The following PDE1A variants were observed in gnomAD, a reference collection of about 807,000 sequenced individuals.
The protein encoded by PDE1A is phosphodiesterase 1A.
A neutral mutation model predicts 61.7 loss-of-function variants in PDE1A; 35 were observed. The observed-to-expected ratio is 0.57, with a 90% confidence interval of 0.43 to 0.75. PDE1A has a LOEUF of 0.75. Among genes scored for constraint, PDE1A ranks in the 30% least tolerant of loss-of-function variants. PDE1A has a pLI of 0.00. For synonymous variants in PDE1A, 232 were observed against 213.2 expected (o/e 1.09, Z -0.77); for missense variants, 597 against 630.6 (o/e 0.95, Z 0.57).
chr2:182,445,359 T>G (rs1480464407), intron 2 of PDE1A, among the ~76,000 whole-genome samples: 1 of 152,106 alleles, frequency 6.6e-6, no homozygotes, highest in Admixed American at 6.6e-5. Context: ...AAATAGTTTA[T>G]GCCTTGAGCT....
chr2:182,587,511 A>G, the PDE1A span, among the ~76,000 whole-genome samples: 1 of 152,250 alleles, frequency 6.6e-6, no homozygotes, highest in Non-Finnish European at 1.5e-5. Flanking sequence ...ACTATTGCAC[A>G]AATAACTAAA....
the PDE1A span, among the ~76,000 whole-genome samples, chr2:182,679,224 C>T: frequency 6.6e-6 from 1 of 150,382 alleles, no homozygotes; most frequent in Non-Finnish European, 1.5e-5. Flanking sequence ...TACTCAGTCG[C>T]CCAGGCTGGA....
the PDE1A span, among the ~76,000 whole-genome samples, chr2:182,694,244 T>C: frequency 6.6e-6 from 1 of 152,242 alleles, no homozygotes; most frequent in Non-Finnish European, 1.5e-5. Flanking sequence ...TCTTTCCCAC[T>C]AAATTGTTTT....
chr2:182,605,757 G>A, the PDE1A span, among the ~76,000 whole-genome samples: 1 of 152,160 alleles, frequency 6.6e-6, no homozygotes, highest in African/African-American at 2.4e-5. Flanking sequence ...GTGTCTCTGA[G>A]TATTCCACAA....
At chr2:182,569,649 G>A in the PDE1A span, among the ~76,000 whole-genome samples, 1 of 152,208 alleles carries the variant, frequency 6.6e-6, no homozygotes, top group Non-Finnish European at 1.5e-5. Context: ...TGGTTTCAAA[G>A]TAGAAATGGA....
At chr2:182,166,743 A>G (rs926363595), downstream of PDE1A, among the ~76,000 whole-genome samples, 3 of 152,168 alleles carry the variant, frequency 2.0e-5, no homozygotes, top group Non-Finnish European at 2.9e-5. Flanking sequence ...ATGATATTTT[A>G]TAGCCAAGTT....
the PDE1A span, among the ~76,000 whole-genome samples, chr2:182,578,944 G>A: frequency 2.0e-5 from 3 of 152,252 alleles, no homozygotes; most frequent in Admixed American, 2.0e-4. Flanking sequence ...CTGAAGTTCT[G>A]CTCAACAAAT....
chr2:182,300,362 G>A (rs1440625581), intron 1 of PDE1A, among the ~76,000 whole-genome samples: 1 of 152,180 alleles, frequency 6.6e-6, no homozygotes, highest in Non-Finnish European at 1.5e-5. Flanking sequence ...TGGAGCTAGA[G>A]TAAAACCTGG....
chr2:182,683,603 A>C, the PDE1A span, among the ~76,000 whole-genome samples: 9 of 152,214 alleles, frequency 5.9e-5, no homozygotes, highest in Non-Finnish European at 1.2e-4. Flanking sequence ...CTACAGAAAC[A>C]ATAAAAGATT....
chr2:182,168,151 A>G, exon 14 of PDE1A: 1 of 1,496,822 alleles, frequency 6.7e-7, no homozygotes, highest in Non-Finnish European at 8.9e-7. Context: ...TGTCTCACAC[A>G]GGACAGGGTA....
chr2:182,258,798 C>A (rs1163411795), intron 2 of PDE1A, among the ~76,000 whole-genome samples: 1 of 152,178 alleles, frequency 6.6e-6, no homozygotes, highest in East Asian at 1.9e-4. Flanking sequence ...ATTCTTACCC[C>A]ATGTTACTCC....
intron 10 of PDE1A, among the ~76,000 whole-genome samples, chr2:182,195,778 G>T (rs1380034543): frequency 2.0e-5 from 3 of 152,092 alleles, no homozygotes; most frequent in African/African-American, 7.2e-5. Context: ...GAGCAGAATG[G>T]TATCAGTACT....
intron 2 of PDE1A, among the ~76,000 whole-genome samples, chr2:182,506,614 G>GC (rs1559524188): frequency 6.6e-6 from 1 of 152,092 alleles, no homozygotes; most frequent in African/African-American, 2.4e-5. Flanking sequence ...ACTATTTCCT[G>GC]CCCCCCTCTT....
intron 1 of PDE1A, among the ~76,000 whole-genome samples, chr2:182,349,665 C>G (rs990456387): frequency 1.7e-4 from 26 of 152,094 alleles, no homozygotes; most frequent in African/African-American, 5.8e-4. Context: ...GAGGCTGAGG[C>G]AGGAGAATCG....
At chr2:182,659,388 A>G in the PDE1A span, among the ~76,000 whole-genome samples, 7 of 152,338 alleles carry the variant, frequency 4.6e-5, no homozygotes, top group South Asian at 1.5e-3. Context: ...AACATGAAGC[A>G]GACAAGAATC....
At chr2:182,508,951 C>A in intron 2 of PDE1A, among the ~76,000 whole-genome samples, 1 of 138,170 alleles carries the variant, frequency 7.2e-6, no homozygotes. Flanking sequence ...CCGATGCTAT[C>A]CCTCCCCCCT....
chr2:182,358,086 T>A (rs1375696413), intron 1 of PDE1A, among the ~76,000 whole-genome samples: 1 of 152,198 alleles, frequency 6.6e-6, no homozygotes, highest in Non-Finnish European at 1.5e-5. Context: ...TCTAGGCTTG[T>A]GTTTTGGGTG....
chr2:182,600,783 A>G, the PDE1A span, among the ~76,000 whole-genome samples: 1 of 152,230 alleles, frequency 6.6e-6, no homozygotes, highest in Non-Finnish European at 1.5e-5. Context: ...AAGTTGGCTC[A>G]ATAATTCTTC....
chr2:182,311,036 T>C (rs2623432), intron 1 of PDE1A, among the ~76,000 whole-genome samples: 140,771 of 152,216 alleles, frequency 0.92, 65,849 homozygotes, highest in East Asian at 0.99. Context: ...CTACACTCTC[T>C]AGGTTTGAGA....
Sources: gnomAD v4.1 joint callset for allele counts (sites outside exome capture counted in the v4.1 genomes callset) on GRCh38, gnomAD v4.1.1 for gene constraint, MANE v1.5 for transcripts, NCBI Gene and HGNC (gene_info 2026-07-23, HGNC 2026-07-21) for gene names.